Variants in PDGFD observed in about 807,000 individuals in gnomAD.
The protein encoded by PDGFD is platelet derived growth factor D.
Under a neutral mutation model 44.7 loss-of-function variants are expected in PDGFD, and 30 were observed. That is an observed-to-expected ratio of 0.67 (90% confidence interval 0.50 to 0.91). The LOEUF (loss-of-function observed/expected upper bound fraction) is 0.91, where lower values mean the gene tolerates loss of function less well. Among genes scored for constraint, PDGFD ranks in the 40% least tolerant of loss-of-function variants. PDGFD has a pLI of 0.00. For missense variants in PDGFD, 445 were observed against 457.8 expected (o/e 0.97, Z 0.25); for synonymous variants, 173 against 168.4 (o/e 1.03, Z -0.21).
intron 5 of PDGFD, among the ~76,000 whole-genome samples, chr11:103,938,050 A>C (rs947344904): frequency 1.3e-5 from 2 of 151,332 alleles, no homozygotes; most frequent in African/African-American, 2.4e-5. Context: ...ATGATTTATA[A>C]TCCTTTGGGT....
At chr11:104,054,026 A>G (rs1326812677) in intron 1 of PDGFD, among the ~76,000 whole-genome samples, 1 of 152,172 alleles carries the variant, frequency 6.6e-6, no homozygotes, top group African/African-American at 2.4e-5. Flanking sequence ...CCCAAGATAA[A>G]CTTGCTGGAA....
intron 1 of PDGFD, among the ~76,000 whole-genome samples, chr11:104,000,910 AAG>A (rs1025542507): frequency 2.0e-5 from 3 of 152,184 alleles, no homozygotes; most frequent in Non-Finnish European, 4.4e-5. Flanking sequence ...GGGTTCTTGG[AAG>A]AGAGTTTCCA....
intron 1 of PDGFD, among the ~76,000 whole-genome samples, chr11:104,144,198 C>T (rs1043931678): frequency 2.6e-5 from 4 of 152,132 alleles, no homozygotes; most frequent in African/African-American, 9.7e-5. Flanking sequence ...AATCTCAATT[C>T]TTATCAACAT....
At chr11:104,153,876 G>T (rs1286226518) in intron 1 of PDGFD, among the ~76,000 whole-genome samples, 1 of 152,068 alleles carries the variant, frequency 6.6e-6, no homozygotes, top group African/African-American at 2.4e-5. Context: ...CGATCCTCCA[G>T]AGAGAAGCAG....
At chr11:104,002,940 G>T (rs1211932422) in intron 1 of PDGFD, among the ~76,000 whole-genome samples, 1 of 152,080 alleles carries the variant, frequency 6.6e-6, no homozygotes, top group Non-Finnish European at 1.5e-5. Flanking sequence ...ATCTATCTCA[G>T]GTATTCAGAT....
chr11:104,084,608 T>C (rs911279082), intron 1 of PDGFD, among the ~76,000 whole-genome samples: 11 of 147,418 alleles, frequency 7.5e-5, no homozygotes, highest in African/African-American at 2.7e-4. Context: ...AATTAAATTA[T>C]ATATATATAA....
At chr11:104,006,208 T>G (rs1043383167) in intron 1 of PDGFD, among the ~76,000 whole-genome samples, 1 of 152,128 alleles carries the variant, frequency 6.6e-6, no homozygotes, top group African/African-American at 2.4e-5. Flanking sequence ...GGAATGTAAA[T>G]TCTCAGGTCC....
chr11:104,031,243 C>G (rs1386982927), intron 1 of PDGFD, among the ~76,000 whole-genome samples: 2 of 152,138 alleles, frequency 1.3e-5, no homozygotes, highest in Non-Finnish European at 2.9e-5. Context: ...GTCTAAACAT[C>G]TGACAAAGGT....
intron 1 of PDGFD, among the ~76,000 whole-genome samples, chr11:104,098,920 T>C (rs527800690): frequency 1.3e-5 from 2 of 152,284 alleles, no homozygotes; most frequent in South Asian, 4.1e-4. Flanking sequence ...CCTTGCCTTA[T>C]CTTTGAGACG....
In PDGFD at chr11:103,908,579, T is replaced by G. The variant is rs986348666; in HGVS notation, c.*1115A>C. ...CTTTTAGGTTGTAAATAATCTATGA[T>G]GGCCTGCCAAATATAAAATGCCATT... On this transcript the variant is annotated 3_prime_UTR_variant, in exon 7 of 7. Coordinates refer to ENST00000393158, the MANE Select transcript of PDGFD (RefSeq NM_025208.5). 1 of 152,236 alleles carries G rather than the reference T, an allele frequency of 6.6e-6. No homozygotes were observed. Among genetic ancestry groups the G allele is most frequent in the Non-Finnish European group, 1.5e-5 (1 of 68,030 alleles). The allele number at this position is 152,236 out of a possible 1,614,324, so 9.4% of individuals were successfully genotyped here.
chr11:104,093,661 A>G (rs1271470300), intron 1 of PDGFD, among the ~76,000 whole-genome samples: 1 of 151,414 alleles, frequency 6.6e-6, no homozygotes, highest in Non-Finnish European at 1.5e-5. Flanking sequence ...TTAGCCAATG[A>G]CTCTAAGTTT....
chr11:104,119,477 TATATA>T (rs1290659613), intron 1 of PDGFD, among the ~76,000 whole-genome samples: 1 of 79,026 alleles, frequency 1.3e-5, no homozygotes, highest in African/African-American at 5.3e-5. Flanking sequence ...ATTGATATAA[TATATA>T]ATATAATATA....
Position 103,907,263 on chromosome 11 carries a change from A to T in PDGFD, c.*2431T>A, listed in dbSNP as rs1055060865. On this transcript the variant is annotated 3_prime_UTR_variant, in exon 7 of 7. Coordinates refer to ENST00000393158, the MANE Select transcript of PDGFD (RefSeq NM_025208.5). ...CATTCGCTATAGAAAATGCTATGAG[A>T]GGAAAAAGCTGCATGTTACCGATAT... The T allele has an allele frequency of 6.6e-6, 1 of 152,158 alleles. No individual in the cohort carries two copies. Among genetic ancestry groups the T allele is most frequent in the Admixed American group, 6.5e-5 (1 of 15,280 alleles). The allele number at this position is 152,158 out of a possible 1,614,324, so 9.4% of individuals were successfully genotyped here.
chr11:104,145,848 G>A (rs560553769), intron 1 of PDGFD, among the ~76,000 whole-genome samples: 204 of 152,232 alleles, frequency 1.3e-3, no homozygotes, highest in African/African-American at 4.4e-3. Flanking sequence ...TATAGGACAC[G>A]TGTTCTTTTA....
chr11:104,026,447 T>C (rs1273157526), intron 1 of PDGFD, among the ~76,000 whole-genome samples: 4 of 152,248 alleles, frequency 2.6e-5, no homozygotes, highest in Non-Finnish European at 4.4e-5. Flanking sequence ...CAATATGACA[T>C]ATAGTTTATA....
At chr11:104,051,039 C>T (rs1456065027) in intron 1 of PDGFD, among the ~76,000 whole-genome samples, 1 of 151,966 alleles carries the variant, frequency 6.6e-6, no homozygotes, top group Non-Finnish European at 1.5e-5. Context: ...TACTAATGAG[C>T]AGCAAAACAG....
chr11:104,023,263 C>T (rs1172492134), intron 1 of PDGFD, among the ~76,000 whole-genome samples: 3 of 152,252 alleles, frequency 2.0e-5, no homozygotes, highest in East Asian at 3.9e-4. Flanking sequence ...ATTTTACTTA[C>T]ATCTTTCTGA....
At chr11:103,938,870 T>C (rs1478486311) in intron 5 of PDGFD, among the ~76,000 whole-genome samples, 1 of 152,212 alleles carries the variant, frequency 6.6e-6, no homozygotes, top group Non-Finnish European at 1.5e-5. Context: ...GTTGTAGATA[T>C]GCGGCATTAT....
chr11:104,008,584 A>G (rs1859737714), intron 1 of PDGFD, among the ~76,000 whole-genome samples: 1 of 152,182 alleles, frequency 6.6e-6, no homozygotes, highest in South Asian at 2.1e-4. Context: ...GTTTTAATGT[A>G]GAAACAATGT....
Sources: gnomAD v4.1 joint callset for allele counts (sites outside exome capture counted in the v4.1 genomes callset) on GRCh38, gnomAD v4.1.1 for gene constraint, MANE v1.5 for transcripts, NCBI Gene and HGNC (gene_info 2026-07-23, HGNC 2026-07-21) for gene names.